IGF2BP2: variants seen among roughly 807,000 people sequenced by gnomAD.
IGF2BP2 encodes insulin-like growth factor 2 mRNA-binding protein 2.
Under a neutral mutation model 75.8 loss-of-function variants are expected in IGF2BP2, and 17 were observed. The observed-to-expected ratio is 0.22, with a 90% CI of 0.15 to 0.34. The LOEUF (loss-of-function observed/expected upper bound fraction) is 0.34, where lower values mean the gene tolerates loss of function less well. Among genes scored for constraint, IGF2BP2 ranks in the 10% least tolerant of loss-of-function variants. The pLI is 1.00. For missense variants in IGF2BP2, 516 were observed against 772.4 expected, an observed-to-expected ratio of 0.67 and a Z score of 3.93; for synonymous variants, 288 against 295.6, an observed-to-expected ratio of 0.97 and a Z score of 0.26.
chr3:185,686,583 A>G (rs1721167327), intron 7 of IGF2BP2, among the ~76,000 whole-genome samples: 1 of 152,194 alleles, frequency 6.6e-6, no homozygotes, highest in Admixed American at 6.5e-5. Context: ...TGGTGACAAC[A>G]TACTTTCTAC....
At chr3:185,741,836 A>G (rs540957737) in intron 2 of IGF2BP2, among the ~76,000 whole-genome samples, 33 of 152,348 alleles carry the variant, frequency 2.2e-4, no homozygotes, top group Admixed American at 1.5e-3. Context: ...GTGTGGGTGC[A>G]GCCCAAGAGA....
chr3:185,697,083 T>A (rs1016043223), intron 3 of IGF2BP2, among the ~76,000 whole-genome samples: 1 of 150,990 alleles, frequency 6.6e-6, no homozygotes, highest in Non-Finnish European at 1.5e-5. Context: ...AAATGTTCCA[T>A]AATAATCAGG....
chr3:185,800,721 A>AAGAAAGAAAGAAAGAAAGAAG (rs35986572), intron 2 of IGF2BP2, among the ~76,000 whole-genome samples: 1 of 141,928 alleles, frequency 7.0e-6, no homozygotes, highest in Non-Finnish European at 1.5e-5. Flanking sequence ...CCAAAAAAAA[A>AAGAAAGAAAGAAAGAAAGAAG]GAAAGAAAGA....
rs542822074 is a variant in IGF2BP2, at chr3:185,713,809, T to C, written c.240-15462A>G. ...TCCACCTCCTGGGTTCAAGTGATTC[T>C]CCTGCCTCAGCCTCCTGAGTAGCTG... On this transcript the variant is annotated intron_variant, in intron 2 of 15. Transcript: ENST00000382199. Among the ~76,000 whole-genome samples, 5 of 152,326 alleles carry C rather than the reference T, an allele frequency of 3.3e-5. No individual in the cohort carries two copies. The East Asian group carries it at 9.7e-4, about 29-fold the overall frequency.
chr3:185,714,619 T>G (rs1436279121), intron 2 of IGF2BP2, among the ~76,000 whole-genome samples: 1 of 152,240 alleles, frequency 6.6e-6, no homozygotes, highest in East Asian at 1.9e-4. Context: ...TGTTTGCATT[T>G]TAATTACAAA....
At chr3:185,675,677 G>A (rs1336905338) in intron 8 of IGF2BP2, 114 bp downstream of exon 8, 1 of 1,310,764 alleles carries the variant, frequency 7.6e-7, no homozygotes. Flanking sequence ...GGAGATAATT[G>A]CATCACTTAT....
intron 10 of IGF2BP2, 66 bp from the exon 11 acceptor site, chr3:185,658,475 C>T (rs1715837385): frequency 7.3e-7 from 1 of 1,369,378 alleles, no homozygotes; most frequent in Non-Finnish European, 1.0e-6. Flanking sequence ...CTCAGGGAGG[C>T]CAGATTCCCA....
chr3:185,711,673 C>G (rs967908043), intron 2 of IGF2BP2, among the ~76,000 whole-genome samples: 1 of 152,172 alleles, frequency 6.6e-6, no homozygotes, highest in African/African-American at 2.4e-5. Context: ...ACAGGCAGTC[C>G]CCGCTACCAC....
chr3:185,771,541 T>TC (rs1446357818), intron 2 of IGF2BP2, among the ~76,000 whole-genome samples: 1 of 151,820 alleles, frequency 6.6e-6, no homozygotes, highest in East Asian at 1.9e-4. Flanking sequence ...TAATGAGAAA[T>TC]CCATTTTAGA....
intron 2 of IGF2BP2, among the ~76,000 whole-genome samples, chr3:185,814,375 T>C (rs148391506): frequency 1.5e-3 from 224 of 152,326 alleles, no homozygotes; most frequent in African/African-American, 5.1e-3. Context: ...AAGTATGCAT[T>C]GTTAAAAATC....
intron 2 of IGF2BP2, among the ~76,000 whole-genome samples, chr3:185,820,204 A>ATGTGTG (rs377455853): frequency 1.5e-5 from 2 of 137,060 alleles, no homozygotes; most frequent in African/African-American, 6.0e-5. Flanking sequence ...GGCATGCAGT[A>ATGTGTG]TGTGTGTGTG....
At chr3:185,669,687 CT>C (rs1336052410) in intron 10 of IGF2BP2, among the ~76,000 whole-genome samples, 2 of 152,088 alleles carry the variant, frequency 1.3e-5, no homozygotes, top group Non-Finnish European at 2.9e-5. Context: ...ACTCCCTGAC[CT>C]TTGGATGCTA....
At chr3:185,754,452 C>T (rs1185577124) in intron 2 of IGF2BP2, among the ~76,000 whole-genome samples, 1 of 152,128 alleles carries the variant, frequency 6.6e-6, no homozygotes, top group Non-Finnish European at 1.5e-5. Context: ...AATGCAAAAA[C>T]AGACTAACAC....
chr3:185,696,435 A>G (rs13061719), intron 4 of IGF2BP2, 177 bp downstream of exon 4: 2 of 602,248 alleles, frequency 3.3e-6, no homozygotes, highest in South Asian at 2.2e-5. Context: ...ATAGAAAGAG[A>G]CAGATATCTC....
chr3:185,822,855 T>TG (rs1741539054), intron 2 of IGF2BP2, among the ~76,000 whole-genome samples: 1 of 82,376 alleles, frequency 1.2e-5, no homozygotes, highest in African/African-American at 4.6e-5. Context: ...GGGCGGGAGG[T>TG]GGGGGTGGGA....
chr3:185,700,092 TGCG>T (rs1397684774), intron 2 of IGF2BP2, among the ~76,000 whole-genome samples: 1 of 152,056 alleles, frequency 6.6e-6, no homozygotes, highest in African/African-American at 2.4e-5. Flanking sequence ...TGTACCACCT[TGCG>T]GGGTCAGAGG....
intron 2 of IGF2BP2, among the ~76,000 whole-genome samples, 154 bp from the exon 3 acceptor site, chr3:185,698,501 G>GT (rs1292501415): frequency 6.6e-6 from 1 of 152,064 alleles, no homozygotes; most frequent in Non-Finnish European, 1.5e-5. Context: ...CATGAGCATA[G>GT]TTTTTTTGTT....
intron 2 of IGF2BP2, chr3:185,717,832 G>T (rs1254942621): frequency 6.6e-6 from 1 of 152,274 alleles, no homozygotes; most frequent in East Asian, 1.9e-4. Context: ...CAGGTGGGAA[G>T]TAGGTACCAC....
chr3:185,731,249 T>C (rs1488473470), intron 2 of IGF2BP2, among the ~76,000 whole-genome samples: 3 of 148,760 alleles, frequency 2.0e-5, no homozygotes, highest in Non-Finnish European at 4.5e-5. Context: ...TCACTTTCTT[T>C]TTTTTTTTTT....
Sources: allele counts gnomAD v4.1 joint callset (sites outside exome capture counted in the v4.1 genomes callset), GRCh38; gene constraint gnomAD v4.1.1; transcripts MANE v1.5; gene names NCBI Gene and HGNC (gene_info 2026-07-23, HGNC 2026-07-21).